CDH13: variants seen among roughly 807,000 people sequenced by gnomAD.
CDH13 encodes cadherin 13.
CDH13 carries 24 observed loss-of-function variants against 63.8 expected under a neutral mutation model. The ratio of observed to expected loss-of-function variants is 0.38; its 90% confidence interval spans 0.27 to 0.53. CDH13 has a LOEUF of 0.53. Ranked by LOEUF, CDH13 falls within the 20% of genes least tolerant of loss-of-function variation. The pLI is 0.85. For synonymous variants in CDH13, 503 were observed against 355.3 expected (o/e 1.42, Z -4.67); for missense variants, 1,049 against 903.1 (o/e 1.16, Z -2.07).
intron 3 of CDH13, among the ~76,000 whole-genome samples, chr16:83,046,011 G>A (rs550323672): frequency 7.2e-5 from 11 of 152,234 alleles, no homozygotes; most frequent in African/African-American, 2.7e-4. Flanking sequence ...AGTTGCCAGG[G>A]TGGCATCTGC....
At chr16:83,044,930 G>C (rs569656965) in intron 3 of CDH13, among the ~76,000 whole-genome samples, 6 of 152,138 alleles carry the variant, frequency 3.9e-5, no homozygotes, top group Non-Finnish European at 8.8e-5. Context: ...GTAATAAAAT[G>C]TACATTTTCT....
intron 5 of CDH13, among the ~76,000 whole-genome samples, chr16:83,271,613 A>C (rs1238405367): frequency 1.7e-4 from 26 of 151,856 alleles, no homozygotes. Context: ...TGGAAATCAT[A>C]CAACCGCTGG....
At chr16:82,638,585 C>G (rs755814855) in intron 1 of CDH13, among the ~76,000 whole-genome samples, 1 of 152,072 alleles carries the variant, frequency 6.6e-6, no homozygotes, top group Admixed American at 6.5e-5. Flanking sequence ...GGGGTCTTGG[C>G]TTTCAGGATG....
intron 11 of CDH13, among the ~76,000 whole-genome samples, chr16:83,762,181 A>G (rs1005925162): frequency 1.3e-5 from 2 of 152,210 alleles, no homozygotes; most frequent in Non-Finnish European, 2.9e-5. Context: ...TGGCCAAATG[A>G]CTTGATGAGT....
At chr16:83,289,862 C>A (rs1322675120) in intron 5 of CDH13, among the ~76,000 whole-genome samples, 1 of 152,142 alleles carries the variant, frequency 6.6e-6, no homozygotes, top group Non-Finnish European at 1.5e-5. Context: ...AAAACAATTT[C>A]TTTGTGGGCT....
intron 3 of CDH13, among the ~76,000 whole-genome samples, chr16:83,038,001 G>C (rs963895750): frequency 6.6e-6 from 1 of 152,150 alleles, no homozygotes; most frequent in African/African-American, 2.4e-5. Context: ...CCCTGAGACA[G>C]AAGCCAGAGA....
intron 6 of CDH13, among the ~76,000 whole-genome samples, chr16:83,351,761 G>T (rs1321814172): frequency 6.6e-6 from 1 of 152,208 alleles, no homozygotes; most frequent in Non-Finnish European, 1.5e-5. Flanking sequence ...TGGCGGATAT[G>T]CCCTGTTATG....
At chr16:82,722,471 C>A (rs1017327201) in intron 1 of CDH13, among the ~76,000 whole-genome samples, 5 of 152,132 alleles carry the variant, frequency 3.3e-5, no homozygotes, top group African/African-American at 1.2e-4. Context: ...CAATGATTTG[C>A]CCAGTTTGGG....
chr16:83,685,962 A>C (rs1567515321), intron 10 of CDH13, among the ~76,000 whole-genome samples: 1 of 152,132 alleles, frequency 6.6e-6, no homozygotes, highest in African/African-American at 2.4e-5. Context: ...AAAATACCTA[A>C]CATTTTTATG....
intron 5 of CDH13, among the ~76,000 whole-genome samples, chr16:83,270,629 G>A (rs770998429): frequency 6.6e-6 from 1 of 152,140 alleles, no homozygotes; most frequent in Non-Finnish European, 1.5e-5. Context: ...TGTGCATGAA[G>A]GCCCTCATTG....
intron 7 of CDH13, among the ~76,000 whole-genome samples, chr16:83,521,525 C>A (rs1316970780): frequency 6.6e-6 from 1 of 152,084 alleles, no homozygotes; most frequent in East Asian, 1.9e-4. Context: ...ACAGCTTATC[C>A]CAGGGTATGC....
chr16:82,657,064 A>G (rs1911383223), intron 1 of CDH13, among the ~76,000 whole-genome samples: 2 of 152,088 alleles, frequency 1.3e-5, no homozygotes, highest in East Asian at 3.9e-4. Context: ...GTGTTTCCTC[A>G]TATAGATCTT....
intron 1 of CDH13, among the ~76,000 whole-genome samples, chr16:82,793,271 A>G (rs1215604189): frequency 5.9e-5 from 9 of 152,260 alleles, no homozygotes; most frequent in Admixed American, 6.5e-5. Context: ...GTGTGCAGAC[A>G]TTGTGGATCT....
At chr16:83,580,045 C>T (rs1430245686) in intron 7 of CDH13, among the ~76,000 whole-genome samples, 1 of 152,016 alleles carries the variant, frequency 6.6e-6, no homozygotes, top group African/African-American at 2.4e-5. Context: ...GAATTAAGTA[C>T]TGCTGATAGA....
intron 12 of CDH13, among the ~76,000 whole-genome samples, chr16:83,780,686 G>C (rs1915455480): frequency 6.6e-6 from 1 of 152,104 alleles, no homozygotes; most frequent in Admixed American, 6.5e-5. Flanking sequence ...GTGATTCTTT[G>C]TTCTTCCTCT....
chr16:83,467,519 T>G (rs75396903), intron 6 of CDH13, among the ~76,000 whole-genome samples: 1 of 152,148 alleles, frequency 6.6e-6, no homozygotes, highest in African/African-American at 2.4e-5. Context: ...AGAAAACGTG[T>G]CTGTTTTTAG....
intron 10 of CDH13, among the ~76,000 whole-genome samples, chr16:83,691,438 C>T (rs1904871440): frequency 1.3e-5 from 2 of 152,140 alleles, no homozygotes; most frequent in Non-Finnish European, 2.9e-5. Flanking sequence ...AGCCCTGGGA[C>T]ACTCTCATAT....
At chr16:83,045,849 A>G (rs1161852073) in intron 3 of CDH13, among the ~76,000 whole-genome samples, 1 of 152,246 alleles carries the variant, frequency 6.6e-6, no homozygotes, top group African/African-American at 2.4e-5. Context: ...TGATCAAATT[A>G]CATGGTCTCA....
intron 11 of CDH13, among the ~76,000 whole-genome samples, chr16:83,759,126 C>T (rs887064782): frequency 3.3e-5 from 5 of 152,120 alleles, no homozygotes; most frequent in East Asian, 1.9e-4. Context: ...CTTACACTAC[C>T]GTACATATAT....
Sources: gnomAD v4.1 joint callset for allele counts (sites outside exome capture counted in the v4.1 genomes callset) on GRCh38, gnomAD v4.1.1 for gene constraint, MANE v1.5 for transcripts, NCBI Gene and HGNC (gene_info 2026-07-23, HGNC 2026-07-21) for gene names.